The following MCM9 variants were observed in gnomAD, a reference collection of about 807,000 sequenced individuals.
MCM9 encodes the protein minichromosome maintenance 9 homologous recombination repair factor.
MCM9 carries 55 observed loss-of-function variants against 72.8 expected under a neutral mutation model. The ratio of observed to expected loss-of-function variants is 0.76; its 90% confidence interval spans 0.61 to 0.95. MCM9 has a LOEUF of 0.95. Ranked by LOEUF, MCM9 falls within the 40% of genes least tolerant of loss-of-function variation. MCM9 has a pLI of 0.00. For missense variants in MCM9, 1,279 were observed against 1,377.0 expected, an observed-to-expected ratio of 0.93 and a Z score of 1.13; for synonymous variants, 480 against 503.4, an observed-to-expected ratio of 0.95 and a Z score of 0.62.
chr6:118,910,771 T>C (rs1035626486), intron 8 of MCM9: 46 of 985,340 alleles, frequency 4.7e-5, no homozygotes, highest in Non-Finnish European at 5.4e-5. Context: ...ATGGTTAATA[T>C]ACTGTTGAGT....
chr6:118,889,958 C>T (rs991517069), intron 8 of MCM9, among the ~76,000 whole-genome samples: 2 of 152,186 alleles, frequency 1.3e-5, no homozygotes, highest in South Asian at 2.1e-4. Flanking sequence ...GGAGAGGGTA[C>T]GCTATGTAAC....
At chr6:118,864,699 G>A (rs1241290131) in intron 8 of MCM9, among the ~76,000 whole-genome samples, 1 of 152,154 alleles carries the variant, frequency 6.6e-6, no homozygotes, top group Non-Finnish European at 1.5e-5. Context: ...CTCACATGTA[G>A]AACCCTAACT....
intron 8 of MCM9, among the ~76,000 whole-genome samples, chr6:118,869,027 A>G (rs1777405193): frequency 2.0e-5 from 3 of 152,362 alleles, no homozygotes; most frequent in South Asian, 2.1e-4. Context: ...ATGTCCATCA[A>G]TGATAGACTG....
At position 118,866,614 on chromosome 6, in the gene MCM9, A is replaced by G. The variant is rs184788245; in HGVS notation, c.1151-10069T>C. On this transcript the variant is annotated intron_variant, in intron 8 of 13. Transcript: ENST00000619706. ...AAGAATAGATTGGTTAACTTGAGAC[A>G]GGTTACTGGAAATCATCCAGTCTGA... 7.9e-5 allele frequency among the ~76,000 whole-genome samples: 12 copies of G among 152,352 alleles called. 1 individual carries two copies. The highest frequency in any genetic ancestry group is 5.9e-4 in the Admixed American group (9 of 15,300).
chr6:118,868,582 A>C (rs1168846777), intron 8 of MCM9, among the ~76,000 whole-genome samples: 1 of 152,132 alleles, frequency 6.6e-6, no homozygotes, highest in African/African-American at 2.4e-5. Context: ...AAGAAAAAAA[A>C]ACCCCATCAA....
At chr6:118,897,648 C>T (rs1779519363) in intron 8 of MCM9, among the ~76,000 whole-genome samples, 1 of 152,002 alleles carries the variant, frequency 6.6e-6, no homozygotes, top group Non-Finnish European at 1.5e-5. Flanking sequence ...ACTCTTTCAC[C>T]ACAAATGTAA....
In MCM9 at chr6:118,872,318, C is replaced by CAAA. The variant is rs36127301; in HGVS notation, c.1151-15776_1151-15774dup. Among the ~76,000 whole-genome samples the CAAA allele has an allele frequency of 2.2e-3, 306 of 139,984 alleles. 1 individual carries two copies. Among genetic ancestry groups the CAAA allele is most frequent in the African/African-American group, 5.5e-3 (205 of 37,456 alleles). 91.8% of individuals were successfully genotyped at this position (139,984 alleles called of 152,430 possible). On this transcript the variant is annotated intron_variant, in intron 8 of 13. Transcript: ENST00000619706. ...TGGGCGATGGAGCAAGACTCCATCT[C>CAAA]AAAAAAAAAAAGAAAATAGTAACAA... is the stretch of plus-strand genomic sequence containing the variant.
chr6:118,826,173 C>CA lies in MCM9; in HGVS notation c.1934dup (p.Leu645PhefsTer3). ...TTTCAAGTCTTCTAAGCTCTTCACTCAAGAGGCTCTGCAGCTCTAGCTTTT... is the reference window on the plus strand; with the variant it reads ...TTTCAAGTCTTCTAAGCTCTTCACTCAAAGAGGCTCTGCAGCTCTAGCTTTT... On this transcript the variant is annotated frameshift_variant, in exon 13 of 14. Coordinates refer to ENST00000619706, the MANE Select transcript of MCM9 (RefSeq NM_017696.3). LOFTEE classifies it low-confidence loss of function (END_TRUNC). The CA allele has an allele frequency of 3.2e-6, 5 of 1,550,432 alleles. No homozygotes were observed. The highest frequency in any genetic ancestry group is 4.4e-6 in the Non-Finnish European group (5 of 1,146,890).
intron 8 of MCM9, among the ~76,000 whole-genome samples, chr6:118,891,784 G>C (rs527465137): frequency 1.9e-4 from 29 of 152,282 alleles, no homozygotes; most frequent in African/African-American, 5.5e-4. Context: ...CTAAGCACTA[G>C]TTTAGGCTTT....
At chr6:118,889,907 A>G (rs903976089) in intron 8 of MCM9, among the ~76,000 whole-genome samples, 5 of 152,230 alleles carry the variant, frequency 3.3e-5, no homozygotes, top group Non-Finnish European at 7.3e-5. Flanking sequence ...AAAAGAACAC[A>G]AAACAGTGAA....
At chr6:118,873,542 C>G (rs1195867380) in intron 8 of MCM9, among the ~76,000 whole-genome samples, 2 of 152,068 alleles carry the variant, frequency 1.3e-5, no homozygotes, top group African/African-American at 4.8e-5. Context: ...ATGAAATGGA[C>G]CAATTCTTAA....
At chr6:118,848,776 T>C (rs961880269) in intron 9 of MCM9, among the ~76,000 whole-genome samples, 8 of 151,864 alleles carry the variant, frequency 5.3e-5, no homozygotes, top group Non-Finnish European at 7.4e-5. Flanking sequence ...CACAAAAAAG[T>C]AGCCAGGCAT....
intron 3 of MCM9, among the ~76,000 whole-genome samples, chr6:118,924,548 C>T (rs1298423100): frequency 6.6e-6 from 1 of 152,040 alleles, no homozygotes; most frequent in African/African-American, 2.4e-5. Flanking sequence ...ACGCAGCAGA[C>T]CGATAAAGAG....
intron 8 of MCM9, among the ~76,000 whole-genome samples, chr6:118,875,191 C>CTA (rs1390521218): frequency 1.3e-5 from 2 of 152,090 alleles, no homozygotes; most frequent in Non-Finnish European, 2.9e-5. Flanking sequence ...AATGAAATAC[C>CTA]TACAAGATTT....
intron 9 of MCM9, among the ~76,000 whole-genome samples, chr6:118,843,710 A>ATG (rs1775650956): frequency 4.5e-5 from 4 of 89,164 alleles, no homozygotes; most frequent in African/African-American, 9.4e-5. Flanking sequence ...ATATGTATGT[A>ATG]TATATATATG....
intron 13 of MCM9, among the ~76,000 whole-genome samples, chr6:118,816,702 T>A (rs981932198): frequency 6.6e-6 from 1 of 152,202 alleles, no homozygotes; most frequent in African/African-American, 2.4e-5. Context: ...GCTGACCAAG[T>A]AGGTTGTTGG....
intron 13 of MCM9, among the ~76,000 whole-genome samples, chr6:118,822,736 C>T (rs962800141): frequency 1.3e-5 from 2 of 152,204 alleles, no homozygotes; most frequent in African/African-American, 2.4e-5. Flanking sequence ...GCTTCCCCTT[C>T]CCCCAGGTGC....
chr6:118,825,073 C>T (rs1266473729), intron 13 of MCM9, among the ~76,000 whole-genome samples: 2 of 152,240 alleles, frequency 1.3e-5, no homozygotes, highest in Non-Finnish European at 2.9e-5. Context: ...TCTCCTTTCC[C>T]GAATCCAGCA....
Position 118,843,641 on chromosome 6 carries a change from CATATAT to C in MCM9, c.1325+12724_1325+12729del, listed in dbSNP as rs763509537. 4.5e-4 allele frequency among the ~76,000 whole-genome samples: 30 copies of C among 66,268 alleles called. 1 individual carries two copies. Among genetic ancestry groups the C allele is most frequent in the African/African-American group, 1.4e-3 (18 of 12,664 alleles). 43.5% of individuals were successfully genotyped at this position (66,268 alleles called of 152,430 possible). A position where few individuals can be genotyped will look rare whatever the true frequency, so the allele number is the denominator to read the frequency against. On this transcript the variant is annotated intron_variant, in intron 9 of 13. Coordinates refer to ENST00000619706, the MANE Select transcript of MCM9 (RefSeq NM_017696.3). ...CTCAAAAAAACAAAACAAAACAAAA[CATATAT>C]ATATATATGTGTATATATATATGTA...
Sources: allele counts gnomAD v4.1 joint callset (sites outside exome capture counted in the v4.1 genomes callset), GRCh38; gene constraint gnomAD v4.1.1; transcripts MANE v1.5; gene names NCBI Gene and HGNC (gene_info 2026-07-23, HGNC 2026-07-21).